Variants in ZBTB37 observed in about 807,000 individuals in gnomAD.
The protein encoded by ZBTB37 is zinc finger and BTB domain-containing protein 37.
A neutral mutation model predicts 37.7 loss-of-function variants in ZBTB37; 15 were observed. The observed-to-expected ratio is 0.40, with a 90% CI of 0.27 to 0.61. ZBTB37 has a LOEUF of 0.61. Ranked by LOEUF, ZBTB37 falls within the 20% of genes least tolerant of loss-of-function variation. The pLI is 0.44. For missense variants in ZBTB37, 514 were observed against 641.9 expected (o/e 0.80, Z 2.15); for synonymous variants, 231 against 220.6 (o/e 1.05, Z -0.42).
chr1:173,880,656 T>C (rs1656244313), intron 4 of ZBTB37, among the ~76,000 whole-genome samples: 1 of 152,240 alleles, frequency 6.6e-6, no homozygotes, highest in Non-Finnish European at 1.5e-5. Context: ...AATCCACCTC[T>C]TGACAACAGA....
chr1:173,877,476 G>C (rs1656048901), intron 4 of ZBTB37, among the ~76,000 whole-genome samples: 1 of 150,042 alleles, frequency 6.7e-6, no homozygotes, highest in African/African-American at 2.5e-5. Context: ...TGCCTTCCCT[G>C]GCTCAAGCAG....
exon 4 of ZBTB37, chr1:173,898,628 A>G (rs1657146208): frequency 6.6e-6 from 1 of 152,086 alleles, no homozygotes; most frequent in Non-Finnish European, 1.5e-5. Flanking sequence ...TTTAAGGTCA[A>G]TATTGTCATA....
intron 4 of ZBTB37, among the ~76,000 whole-genome samples, chr1:173,876,428 C>G (rs1655972094): frequency 6.6e-6 from 1 of 152,176 alleles, no homozygotes. Context: ...AGCAATTCTC[C>G]TGTCTCAGCT....
exon 4 of ZBTB37, chr1:173,900,406 T>C (rs1657210417): frequency 6.6e-6 from 1 of 152,212 alleles, no homozygotes; most frequent in Admixed American, 6.5e-5. Context: ...GGTTTGTTTC[T>C]TGCCCATGGC....
At chr1:173,871,490 G>A (rs1026864632) in intron 3 of ZBTB37, among the ~76,000 whole-genome samples, 26 of 152,222 alleles carry the variant, frequency 1.7e-4, no homozygotes, top group South Asian at 4.1e-4. Flanking sequence ...GAACCTAGCA[G>A]CATTGCCCTT....
At chr1:173,869,414 A>T (rs1233664040) in intron 2 of ZBTB37, among the ~76,000 whole-genome samples, 1 of 152,192 alleles carries the variant, frequency 6.6e-6, no homozygotes, top group Non-Finnish European at 1.5e-5. Flanking sequence ...TTAATGGAAA[A>T]ATGTTGGCAT....
intron 4 of ZBTB37, among the ~76,000 whole-genome samples, chr1:173,882,399 G>T (rs1337976822): frequency 1.3e-5 from 2 of 151,356 alleles, no homozygotes; most frequent in African/African-American, 4.9e-5. Flanking sequence ...CCGCCACCAC[G>T]CCCAGCTAAT....
chr1:173,876,416 C>A (rs547676273), intron 4 of ZBTB37, among the ~76,000 whole-genome samples: 9 of 152,090 alleles, frequency 5.9e-5, no homozygotes, highest in Non-Finnish European at 1.3e-4. Context: ...CTCTCTGGTT[C>A]GAGCAATTCT....
chr1:173,886,973 G>A (rs1227992624), downstream of ZBTB37: 3 of 152,128 alleles, frequency 2.0e-5, no homozygotes, highest in Non-Finnish European at 4.4e-5. Flanking sequence ...ACACATCCTT[G>A]GGTAATGGCT....
At chr1:173,876,846 C>T (rs997174022) in intron 4 of ZBTB37, among the ~76,000 whole-genome samples, 2 of 152,074 alleles carry the variant, frequency 1.3e-5, no homozygotes, top group Non-Finnish European at 2.9e-5. Flanking sequence ...CACTAATTGA[C>T]AGTATATTCT....
At chr1:173,884,136 C>A (rs60265316) in intron 4 of ZBTB37, among the ~76,000 whole-genome samples, 1 of 151,326 alleles carries the variant, frequency 6.6e-6, no homozygotes, top group African/African-American at 2.4e-5. Flanking sequence ...GAACAAAAAG[C>A]ATTTCTAAAT....
intron 3 of ZBTB37, among the ~76,000 whole-genome samples, chr1:173,872,074 A>AT (rs1320461229): frequency 1.3e-5 from 2 of 152,100 alleles, no homozygotes; most frequent in African/African-American, 2.4e-5. Context: ...ATTTTATTTT[A>AT]TTTATTTTAT....
intron 2 of ZBTB37, 124 bp from the exon 3 acceptor site, chr1:173,870,076 A>G (rs1217421460): frequency 1.1e-5 from 7 of 645,806 alleles, no homozygotes; most frequent in African/African-American, 7.3e-5. Context: ...TAAGGAAGGT[A>G]TTTCTTTTAT....
At chr1:173,872,099 C>T (rs747145145) in intron 3 of ZBTB37, among the ~76,000 whole-genome samples, 1 of 152,184 alleles carries the variant, frequency 6.6e-6, no homozygotes, top group East Asian at 1.9e-4. Context: ...GACGGAGTCT[C>T]GCTGTGTCGT....
At chr1:173,896,634 G>T (rs933785328) in exon 4 of ZBTB37, 3 of 152,200 alleles carry the variant, frequency 2.0e-5, no homozygotes, top group Admixed American at 6.5e-5. Flanking sequence ...TTTATTTTCA[G>T]CATCACAAAT....
chr1:173,892,906 T>C (rs1335182591), exon 4 of ZBTB37: 1 of 152,072 alleles, frequency 6.6e-6, no homozygotes. Flanking sequence ...AGAAAGGGGT[T>C]GTTTTGTTTT....
chr1:173,873,791 G>A, intron 4 of ZBTB37: 1 of 612,458 alleles, frequency 1.6e-6, no homozygotes, highest in South Asian at 4.1e-5. Flanking sequence ...AAGCATAGAT[G>A]CAAATATTTT....
exon 4 of ZBTB37, chr1:173,900,983 C>T (rs1657232584): frequency 6.6e-6 from 1 of 152,110 alleles, no homozygotes; most frequent in South Asian, 2.1e-4. Flanking sequence ...GAGAGTAGAG[C>T]AGAGTGGGGA....
At chr1:173,870,115 CTA>C in intron 2 of ZBTB37, 83 bp from the exon 3 acceptor site, 2 of 891,622 alleles carry the variant, frequency 2.2e-6, no homozygotes, top group African/African-American at 3.4e-5. Context: ...TACCAGATAA[CTA>C]TGTTTAAATA....
Sources: gnomAD v4.1 joint callset for allele counts (sites outside exome capture counted in the v4.1 genomes callset) on GRCh38, gnomAD v4.1.1 for gene constraint, MANE v1.5 for transcripts, NCBI Gene and HGNC (gene_info 2026-07-23, HGNC 2026-07-21) for gene names.